PTPRT: variants seen among roughly 807,000 people sequenced by gnomAD.
PTPRT encodes receptor-type tyrosine-protein phosphatase T.
Under a neutral mutation model 176.8 loss-of-function variants are expected in PTPRT, and 56 were observed. That is an observed-to-expected ratio of 0.32 (90% CI 0.26 to 0.40). The LOEUF is 0.40. PTPRT is among the 10% of genes least tolerant of loss of function. The pLI, the probability that PTPRT is intolerant of heterozygous loss-of-function variation, is 1.00. For missense variants in PTPRT, 1,540 were observed against 1,908.2 expected, an observed-to-expected ratio of 0.81 and a Z score of 3.60; for synonymous variants, 783 against 739.0, an observed-to-expected ratio of 1.06 and a Z score of -0.96.
the PTPRT span, among the ~76,000 whole-genome samples, chr20:42,051,431 TGA>T: frequency 6.6e-6 from 1 of 152,212 alleles, no homozygotes; most frequent in African/African-American, 2.4e-5. Flanking sequence ...AAAAGAATTG[TGA>T]GAGTTCGCTC....
At chr20:42,841,986 G>A (rs988018694) in intron 2 of PTPRT, among the ~76,000 whole-genome samples, 1 of 152,108 alleles carries the variant, frequency 6.6e-6, no homozygotes, top group African/African-American at 2.4e-5. Context: ...CCAAACTGAG[G>A]TCTCAGCATG....
chr20:42,868,847 T>A (rs1156872447), intron 2 of PTPRT, among the ~76,000 whole-genome samples: 1 of 152,204 alleles, frequency 6.6e-6, no homozygotes. Flanking sequence ...TGGGCACCCA[T>A]GAGACCTCAG....
intron 7 of PTPRT, among the ~76,000 whole-genome samples, chr20:42,596,353 C>T (rs6030351): frequency 0.41 from 62,342 of 152,144 alleles, 15,885 homozygotes; most frequent in African/African-American, 0.72. Flanking sequence ...CAGTTCCTAA[C>T]GTATTAATAG....
At chr20:42,351,370 A>T (rs1386049065) in intron 10 of PTPRT, among the ~76,000 whole-genome samples, 1 of 152,222 alleles carries the variant, frequency 6.6e-6, no homozygotes, top group Non-Finnish European at 1.5e-5. Context: ...AAATATATCC[A>T]ACCACAGGGG....
chr20:42,088,436 A>G (rs959778850), intron 27 of PTPRT, among the ~76,000 whole-genome samples: 21 of 152,308 alleles, frequency 1.4e-4, no homozygotes, highest in African/African-American at 5.1e-4. Context: ...ACATGTGAAA[A>G]TACCTTCATT....
chr20:42,839,309 T>A (rs1294595560), intron 2 of PTPRT, among the ~76,000 whole-genome samples: 2 of 143,270 alleles, frequency 1.4e-5, no homozygotes, highest in Non-Finnish European at 3.0e-5. Flanking sequence ...TTCACTCTGT[T>A]TTTTTTTTTT....
chr20:42,899,273 C>A (rs1012820457), intron 1 of PTPRT, among the ~76,000 whole-genome samples: 1 of 152,244 alleles, frequency 6.6e-6, no homozygotes, highest in South Asian at 2.1e-4. Context: ...CTCAGAGAAA[C>A]TTCAGATCAG....
intron 7 of PTPRT, among the ~76,000 whole-genome samples, chr20:42,530,743 G>A (rs907464808): frequency 6.6e-6 from 1 of 152,216 alleles, no homozygotes; most frequent in African/African-American, 2.4e-5. Context: ...AAGGTAAAGG[G>A]AATAGAGCGG....
the PTPRT span, among the ~76,000 whole-genome samples, chr20:42,050,563 A>G: frequency 6.6e-6 from 1 of 152,172 alleles, no homozygotes; most frequent in Non-Finnish European, 1.5e-5. Flanking sequence ...GGCCTCATGA[A>G]ACTCATTCCT....
intron 9 of PTPRT, among the ~76,000 whole-genome samples, chr20:42,391,995 G>T (rs1267305472): frequency 6.6e-6 from 1 of 152,258 alleles, no homozygotes; most frequent in African/African-American, 2.4e-5. Flanking sequence ...GCAATGGCCA[G>T]AGAGGGGTGC....
Position 42,241,257 on chromosome 20 carries a change from A to C in PTPRT, c.2313-4999T>G, listed in dbSNP as rs534830651. On this transcript the variant is annotated intron_variant, in intron 14 of 30. Coordinates refer to ENST00000373187, the MANE Select transcript of PTPRT (RefSeq NM_007050.6). ...GGAGGGAAAGCAGGCAAGATGGCCC[A>C]AAATCTGGGATGCCTGAGTGGTAAA... Among the ~76,000 whole-genome samples the C allele has an allele frequency of 4.7e-4, 71 of 152,306 alleles. 2 individuals are homozygous for C. In the South Asian group the frequency reaches 0.014, roughly 31 times the overall value.
chr20:42,985,020 A>G (rs1983491886), intron 1 of PTPRT, among the ~76,000 whole-genome samples: 1 of 152,246 alleles, frequency 6.6e-6, no homozygotes, highest in African/African-American at 2.4e-5. Context: ...GGAATGAGGA[A>G]TAACCAGACA....
At chr20:42,446,941 A>T (rs534497424) in intron 9 of PTPRT, among the ~76,000 whole-genome samples, 7 of 152,260 alleles carry the variant, frequency 4.6e-5, no homozygotes, top group African/African-American at 1.7e-4. Context: ...CTCCTGAGGA[A>T]TGCTAGTTTT....
At chr20:43,148,297 C>T (rs114015953) in intron 1 of PTPRT, among the ~76,000 whole-genome samples, 107 of 152,286 alleles carry the variant, frequency 7.0e-4, no homozygotes, top group African/African-American at 2.5e-3. Flanking sequence ...ACCAACCCTC[C>T]ATCGCATCCC....
At chr20:42,413,901 A>C (rs986675398) in intron 9 of PTPRT, among the ~76,000 whole-genome samples, 1 of 152,148 alleles carries the variant, frequency 6.6e-6, no homozygotes, top group Non-Finnish European at 1.5e-5. Context: ...CCCAGGTTGG[A>C]GTGCAGTGGC....
At chr20:42,493,711 C>T (rs2071600863) in intron 7 of PTPRT, among the ~76,000 whole-genome samples, 1 of 152,062 alleles carries the variant, frequency 6.6e-6, no homozygotes, top group South Asian at 2.1e-4. Context: ...AGTGGTGTGC[C>T]TTCTTAACCA....
chr20:42,209,148 T>C (rs896197153), intron 15 of PTPRT, among the ~76,000 whole-genome samples: 19 of 152,274 alleles, frequency 1.2e-4, no homozygotes, highest in African/African-American at 4.6e-4. Flanking sequence ...TTTAAAGCAG[T>C]GTGTAGAAGT....
At chr20:42,768,960 GT>G (rs2145451759) in intron 5 of PTPRT, among the ~76,000 whole-genome samples, 1 of 152,326 alleles carries the variant, frequency 6.6e-6, no homozygotes, top group South Asian at 2.1e-4. Flanking sequence ...CCCAAACAAA[GT>G]TGCTGAAAAT....
At chr20:42,168,891 A>G (rs1302225530) in intron 16 of PTPRT, among the ~76,000 whole-genome samples, 1 of 152,206 alleles carries the variant, frequency 6.6e-6, no homozygotes, top group Non-Finnish European at 1.5e-5. Flanking sequence ...CAACAGATGG[A>G]TTTACCTTTT....
Sources: allele counts gnomAD v4.1 joint callset (sites outside exome capture counted in the v4.1 genomes callset), GRCh38; gene constraint gnomAD v4.1.1; transcripts MANE v1.5; gene names NCBI Gene and HGNC (gene_info 2026-07-23, HGNC 2026-07-21).